The following CEP85L variants were observed in gnomAD, a reference collection of about 807,000 sequenced individuals.
CEP85L encodes the protein centrosomal protein of 85 kDa-like.
In CEP85L, 60 loss-of-function variants were observed where a neutral mutation model predicts 100.3. That is an observed-to-expected ratio of 0.60 (90% CI 0.49 to 0.74). CEP85L has a LOEUF of 0.74. Among genes scored for constraint, CEP85L ranks in the 30% least tolerant of loss-of-function variants. CEP85L has a pLI of 0.00. For synonymous variants in CEP85L, 319 were observed against 322.7 expected (o/e 0.99, Z 0.12); for missense variants, 973 against 936.2 (o/e 1.04, Z -0.51).
intron 3 of CEP85L, among the ~76,000 whole-genome samples, chr6:118,550,434 T>C (rs1392365224): frequency 2.0e-5 from 3 of 151,876 alleles, no homozygotes; most frequent in Admixed American, 2.0e-4. Context: ...AATTAGACAA[T>C]ATATTACCAA....
chr6:118,585,184 G>A lies in CEP85L; in HGVS notation c.233-18868C>T, dbSNP rs74788279. ...ATTAGCTGAGCTAATCGCTCTTACAGAAGCAATTGAATTAAGCAAAGGAAA... is the reference window on the plus strand; with the variant it reads ...ATTAGCTGAGCTAATCGCTCTTACAAAAGCAATTGAATTAAGCAAAGGAAA... On this transcript the variant is annotated intron_variant, in intron 2 of 12. Transcript: ENST00000368491. Among the ~76,000 whole-genome samples the A allele has an allele frequency of 2.6e-3, 396 of 152,316 alleles. 1 individual carries two copies. Among genetic ancestry groups the A allele is most frequent in the African/African-American group, 9.1e-3 (379 of 41,568 alleles).
chr6:118,637,182 C>G (rs928687050), intron 1 of CEP85L, among the ~76,000 whole-genome samples: 1 of 152,122 alleles, frequency 6.6e-6, no homozygotes, highest in Non-Finnish European at 1.5e-5. Flanking sequence ...TAAGAAATGA[C>G]AGAGAAAATG....
Position 118,589,004 on chromosome 6 carries a change from C to G in CEP85L, c.233-22688G>C, listed in dbSNP as rs1781024832. ...AAAAATTATTTGGCCACTGCCCTCA[C>G]TGCCGCTGCTGCTGTTGACCTCGCC... On this transcript the variant is annotated intron_variant, in intron 2 of 12. Transcript: ENST00000368491. The G allele has an allele frequency of 2.1e-5, 5 of 234,950 alleles. No homozygotes were observed. In the Admixed American group the frequency reaches 2.1e-4, roughly 10 times the overall value. 14.6% of individuals were successfully genotyped at this position (234,950 alleles called of 1,614,324 possible). A position where few individuals can be genotyped will look rare whatever the true frequency, so the allele number is the denominator to read the frequency against.
chr6:118,594,989 C>T (rs548095782), intron 2 of CEP85L, among the ~76,000 whole-genome samples: 9 of 151,892 alleles, frequency 5.9e-5, no homozygotes, highest in African/African-American at 1.9e-4. Context: ...AGGAAGGTTA[C>T]GAGCCAAGCC....
At chr6:118,624,193 T>A (rs1023466230) in intron 2 of CEP85L, among the ~76,000 whole-genome samples, 1 of 152,138 alleles carries the variant, frequency 6.6e-6, no homozygotes, top group African/African-American at 2.4e-5. Flanking sequence ...CTCTACCTAA[T>A]AGAGGATAAG....
At chr6:118,653,682 C>T (rs1187515489), upstream of CEP85L, among the ~76,000 whole-genome samples, 4 of 138,306 alleles carry the variant, frequency 2.9e-5, no homozygotes, top group Non-Finnish European at 6.3e-5. Context: ...ATCGTTGAAC[C>T]TCAATAAACC....
At chr6:118,662,899 C>A (rs777719412) in intron 1 of CEP85L, among the ~76,000 whole-genome samples, 22 of 152,050 alleles carry the variant, frequency 1.4e-4, no homozygotes, top group Non-Finnish European at 2.9e-4. Context: ...ATGTATTCAT[C>A]CTGATATAGT....
intron 3 of CEP85L, among the ~76,000 whole-genome samples, chr6:118,555,622 A>G (rs890772009): frequency 2.0e-5 from 3 of 152,176 alleles, no homozygotes; most frequent in Non-Finnish European, 4.4e-5. Context: ...GTCATTAAAT[A>G]TATGTCAAGT....
intron 1 of CEP85L, among the ~76,000 whole-genome samples, chr6:118,632,847 C>T (rs1774253103): frequency 6.6e-6 from 1 of 152,162 alleles, no homozygotes; most frequent in Admixed American, 6.5e-5. Context: ...TGCTTCCGGG[C>T]ATTAAACTTT....
At chr6:118,694,000 C>T (rs1165719927) in intron 1 of CEP85L, among the ~76,000 whole-genome samples, 1 of 152,032 alleles carries the variant, frequency 6.6e-6, no homozygotes. Flanking sequence ...TCCAGCAAGA[C>T]TCAAAAGGAA....
In CEP85L at chr6:118,565,378, C is replaced by T. The variant is rs370817506; in HGVS notation, c.1020+151G>A. 6.8e-6 allele frequency: 5 copies of T among 734,274 alleles called. No homozygotes were observed. The Admixed American group carries it at 8.6e-5, about 13-fold the overall frequency. The allele number at this position is 734,274 out of a possible 1,614,324, so 45.5% of individuals were successfully genotyped here. A position where few individuals can be genotyped will look rare whatever the true frequency, so the allele number is the denominator to read the frequency against. ...ATGCTTTGCAAGTTTATCAACAACACTTTTCGGTTTGTAACATTTCTGCCT... is the reference window on the plus strand; with the variant it reads ...ATGCTTTGCAAGTTTATCAACAACATTTTTCGGTTTGTAACATTTCTGCCT... On this transcript the variant is annotated intron_variant, in intron 3 of 12. Transcript: ENST00000368491.
At chr6:118,540,870 A>G (rs1777871671) in intron 3 of CEP85L, among the ~76,000 whole-genome samples, 1 of 152,154 alleles carries the variant, frequency 6.6e-6, no homozygotes, top group Non-Finnish European at 1.5e-5. Flanking sequence ...TGCACAACTA[A>G]TTTTAGTTTG....
At chr6:118,526,895 C>T (rs1171273945) in intron 3 of CEP85L, among the ~76,000 whole-genome samples, 3 of 152,076 alleles carry the variant, frequency 2.0e-5, no homozygotes, top group African/African-American at 7.2e-5. Flanking sequence ...GAATAATCCA[C>T]CTCTTGTTTA....
intron 3 of CEP85L, among the ~76,000 whole-genome samples, chr6:118,536,915 G>C (rs1243281758): frequency 2.0e-5 from 3 of 152,032 alleles, no homozygotes; most frequent in Non-Finnish European, 4.4e-5. Flanking sequence ...TTCCCAAGTA[G>C]TTAGAAAACA....
chr6:118,584,842 G>A (rs1780767500), intron 2 of CEP85L, among the ~76,000 whole-genome samples: 1 of 152,248 alleles, frequency 6.6e-6, no homozygotes, highest in South Asian at 2.1e-4. Flanking sequence ...TTGGCTAACA[G>A]ATAGCTGACT....
chr6:118,689,663 A>G (rs1776965500), intron 1 of CEP85L, among the ~76,000 whole-genome samples: 1 of 152,238 alleles, frequency 6.6e-6, no homozygotes, highest in East Asian at 1.9e-4. Flanking sequence ...ATCGTTTCCA[A>G]GCTAAGGTAA....
intron 1 of CEP85L, among the ~76,000 whole-genome samples, chr6:118,696,308 A>G (rs1244411289): frequency 6.7e-6 from 1 of 149,958 alleles, no homozygotes; most frequent in Admixed American, 6.6e-5. Flanking sequence ...GAAATGTTAG[A>G]CAGGAAAATA....
At chr6:118,559,989 T>C (rs142301036) in intron 3 of CEP85L, 24 of 167,196 alleles carry the variant, frequency 1.4e-4, no homozygotes, top group African/African-American at 5.1e-4. Flanking sequence ...TTCAGAATGA[T>C]TTTGCAGGTT....
At chr6:118,558,836 G>A in intron 3 of CEP85L, 1 of 901,770 alleles carries the variant, frequency 1.1e-6, no homozygotes, top group Non-Finnish European at 1.9e-6. Context: ...CTACCTAAAA[G>A]AAGACAGTTA....
Sources: allele counts gnomAD v4.1 joint callset (sites outside exome capture counted in the v4.1 genomes callset), GRCh38; gene constraint gnomAD v4.1.1; transcripts MANE v1.5; gene names NCBI Gene and HGNC (gene_info 2026-07-23, HGNC 2026-07-21).